The following RNF212 variants were observed in gnomAD, a reference collection of about 807,000 sequenced individuals.
The protein encoded by RNF212 is probable E3 SUMO-protein ligase RNF212.
RNF212 carries 33 observed loss-of-function variants against 34.7 expected under a neutral mutation model. The observed-to-expected ratio is 0.95, with a 90% confidence interval of 0.72 to 1.27. The LOEUF is 1.27. Among genes scored for constraint, RNF212 ranks in the 50% most tolerant of loss-of-function variants. The probability of loss-of-function intolerance (pLI) is 0.00; values close to 1 mark genes in which losing one functional copy is unlikely to be tolerated. For synonymous variants in RNF212, 140 were observed against 136.1 expected (o/e 1.03, Z -0.20); for missense variants, 377 against 362.2 (o/e 1.04, Z -0.33).
downstream of RNF212, among the ~76,000 whole-genome samples, chr4:1,069,958 G>C (rs185178151): frequency 2.6e-3 from 398 of 152,314 alleles, no homozygotes; most frequent in Middle Eastern, 6.8e-3. Context: ...TGTCAGCGTG[G>C]ACGCCTAGCC....
chr4:1,058,976 G>A (rs1373855720), intron 3 of RNF212, among the ~76,000 whole-genome samples: 1 of 152,244 alleles, frequency 6.6e-6, no homozygotes, highest in East Asian at 1.9e-4. Context: ...CCCCACCCGT[G>A]TTTGCTTTCT....
chr4:1,099,069 A>G (rs1420209482), intron 2 of RNF212, among the ~76,000 whole-genome samples: 1 of 152,152 alleles, frequency 6.6e-6, no homozygotes, highest in Non-Finnish European at 1.5e-5. Flanking sequence ...CTACAAAACT[A>G]ACAAATGGCA....
intron 8 of RNF212, among the ~76,000 whole-genome samples, chr4:1,078,988 CAGGACCAACAT>C (rs1224868608): frequency 3.4e-5 from 5 of 145,378 alleles, no homozygotes; most frequent in Non-Finnish European, 6.0e-5. Context: ...AGGGTCAACA[CAGGACCAACAT>C]AGGACCAACA....
At chr4:1,096,602 G>A (rs1159134074) in intron 3 of RNF212, 163 bp downstream of exon 3, 2 of 666,046 alleles carry the variant, frequency 3.0e-6, no homozygotes, top group Non-Finnish European at 5.3e-6. Context: ...TCGGGATAGT[G>A]CACCTGGCTC....
chr4:1,113,501 C>G lies in RNF212; in HGVS notation c.-37G>C. On this transcript the variant is annotated 5_prime_UTR_variant, in exon 1 of 10. Transcript: ENST00000433731. ...GACCGCAGCGGCGAGGCCGGGCCCA[C>G]GCGAAGCCCACGCAAGGTTGGGACC... The G allele has an allele frequency of 6.4e-7, 1 of 1,561,202 alleles. No individual in the cohort carries two copies. The highest frequency in any genetic ancestry group is 8.8e-7 in the Non-Finnish European group (1 of 1,141,588).
At chr4:1,089,772 A>G (rs1180672395) in intron 4 of RNF212, among the ~76,000 whole-genome samples, 3 of 152,126 alleles carry the variant, frequency 2.0e-5, no homozygotes, top group African/African-American at 7.2e-5. Context: ...TGATGGTTTA[A>G]GAGTGTTTGG....
chr4:1,087,496 C>A (rs1344734472), intron 4 of RNF212, among the ~76,000 whole-genome samples: 2 of 49,828 alleles, frequency 4.0e-5, no homozygotes, highest in Admixed American at 2.8e-4. Context: ...GGTGAGAGAA[C>A]CAAGGTTGGG....
chr4:1,113,063 A>C (rs946628806), intron 1 of RNF212, among the ~76,000 whole-genome samples: 1 of 176 alleles, frequency 5.7e-3, no homozygotes. Context: ...GCGGCCTCTC[A>C]CCCCCCCATG....
Position 1,085,901 on chromosome 4 carries a change from T to C in RNF212, c.357A>G (p.Leu119=), listed in dbSNP as rs773749734. The C allele has an allele frequency of 2.6e-4, 417 of 1,611,610 alleles. 1 individual carries two copies. The highest frequency in any genetic ancestry group is 2.9e-4 in the Non-Finnish European group (336 of 1,178,434). ...CGGGGGGTGGGGCGCCTTACCTTTG[T>C]AGTTGTTCTATCTGCAGCACTGACT... ...LRKSVLQIEQ[L]QSMRSSQQTA... The change falls in exon 5 of 10, where the codon CTA becomes CTG. Residue 119 remains leucine (L), a synonymous_variant. Coordinates refer to ENST00000433731, the MANE Select transcript of RNF212 (RefSeq NM_001131034.4).
Position 1,110,598 on chromosome 4 carries a change from G to A in RNF212, c.110-2194C>T, listed in dbSNP as rs544806228. Reference sequence around the variant, plus strand: ...TGATGATACAGACTTATTTTAACACGGAAGGAGGTCTATGTTTGAGTAAGT... The same window carrying A: ...TGATGATACAGACTTATTTTAACACAGAAGGAGGTCTATGTTTGAGTAAGT... On this transcript the variant is annotated intron_variant, in intron 1 of 9. Coordinates refer to ENST00000433731, the MANE Select transcript of RNF212 (RefSeq NM_001131034.4). 4.6e-5 allele frequency among the ~76,000 whole-genome samples: 7 copies of A among 152,272 alleles called. No individual in the cohort carries two copies. The South Asian group carries it at 8.3e-4, about 18-fold the overall frequency.
chr4:1,091,669 T>C (rs1722205661), intron 3 of RNF212, among the ~76,000 whole-genome samples: 1 of 152,232 alleles, frequency 6.6e-6, no homozygotes, highest in Non-Finnish European at 1.5e-5. Context: ...TCTTCCCTCC[T>C]GTGGAAAGAC....
At chr4:1,106,740 C>T (rs1362942161) in intron 2 of RNF212, among the ~76,000 whole-genome samples, 2 of 152,150 alleles carry the variant, frequency 1.3e-5, no homozygotes, top group Admixed American at 6.5e-5. Context: ...GCGAGGGTAC[C>T]GTGCGAGGAG....
At chr4:1,110,173 G>A (rs1011548751) in intron 1 of RNF212, among the ~76,000 whole-genome samples, 1 of 152,104 alleles carries the variant, frequency 6.6e-6, no homozygotes, top group African/African-American at 2.4e-5. Context: ...AAAGACAAAG[G>A]GATTGATGCC....
Position 1,107,056 on chromosome 4 carries a change from A to AT in RNF212, c.171+1286dup, listed in dbSNP as rs963709472. 1.0e-3 allele frequency among the ~76,000 whole-genome samples: 149 copies of AT among 143,768 alleles called. No homozygotes were observed. The Middle Eastern group carries it at 0.014, about 14-fold the overall frequency. 94.3% of individuals were successfully genotyped at this position (143,768 alleles called of 152,430 possible). A position where few individuals can be genotyped will look rare whatever the true frequency, so the allele number is the denominator to read the frequency against. On this transcript the variant is annotated intron_variant, in intron 2 of 9. Transcript: ENST00000433731. The stretch of plus-strand genomic sequence containing the variant: ...ATATAATGTCAACTGAGAAGATACC[A>AT]TTTTTTTTTTTTTTAGACTGAGTCT...
intron 1 of RNF212, among the ~76,000 whole-genome samples, chr4:1,110,553 G>C (rs537553380): frequency 6.6e-6 from 1 of 152,208 alleles, no homozygotes; most frequent in Non-Finnish European, 1.5e-5. Context: ...GCCAAAAGAT[G>C]TATCATGCAA....
intron 4 of RNF212, chr4:1,056,880 G>GC: frequency 1.0e-6 from 1 of 987,954 alleles, no homozygotes; most frequent in Non-Finnish European, 1.2e-6. Context: ...CTGATGGGCG[G>GC]CCGGGGGGGC....
At position 1,072,673 on chromosome 4, in the gene RNF212, T is replaced by C; in HGVS notation, c.*201A>G. On this transcript the variant is annotated 3_prime_UTR_variant, in exon 10 of 10. Transcript: ENST00000433731. ...TAAAATAAAAGGGATAATAACAATATATATGAGTACATAAAAATATTGTCT... is the reference window on the plus strand; with the variant it reads ...TAAAATAAAAGGGATAATAACAATACATATGAGTACATAAAAATATTGTCT... 3 of 1,256,758 alleles carry C rather than the reference T, an allele frequency of 2.4e-6. No individual in the cohort carries two copies. The highest frequency in any genetic ancestry group is 2.8e-5 in the East Asian group (1 of 35,834). 77.9% of individuals were successfully genotyped at this position (1,256,758 alleles called of 1,614,324 possible).
chr4:1,063,180 CT>C (rs1253758894), intron 3 of RNF212, among the ~76,000 whole-genome samples: 1 of 152,140 alleles, frequency 6.6e-6, no homozygotes, highest in African/African-American at 2.4e-5. Context: ...TTTCAACCTG[CT>C]TTGTCAGCAG....
intron 8 of RNF212, among the ~76,000 whole-genome samples, chr4:1,075,731 T>C (rs1719188139): frequency 6.6e-6 from 1 of 152,208 alleles, no homozygotes. Flanking sequence ...TGGAGTGCAG[T>C]GGGGCAGTCA....
Sources: allele counts gnomAD v4.1 joint callset (sites outside exome capture counted in the v4.1 genomes callset), GRCh38; gene constraint gnomAD v4.1.1; transcripts MANE v1.5; gene names NCBI Gene and HGNC (gene_info 2026-07-23, HGNC 2026-07-21).